The following CAMTA1 variants were observed in gnomAD, a reference collection of about 807,000 sequenced individuals.
The protein encoded by CAMTA1 is calmodulin-binding transcription activator 1.
Under a neutral mutation model 170.9 loss-of-function variants are expected in CAMTA1, and 27 were observed. That is an observed-to-expected ratio of 0.16 (90% CI 0.12 to 0.22). The LOEUF (loss-of-function observed/expected upper bound fraction) is 0.22. Among genes scored for constraint, CAMTA1 ranks in the 10% least tolerant of loss-of-function variants. The probability of loss-of-function intolerance (pLI) is 1.00; values close to 1 mark genes in which losing one functional copy is unlikely to be tolerated. For synonymous variants in CAMTA1, 833 were observed against 891.5 expected, an observed-to-expected ratio of 0.93 and a Z score of 1.17; for missense variants, 1,619 against 2,217.2, an observed-to-expected ratio of 0.73 and a Z score of 5.42.
chr1:6,979,429 G>C (rs1694045138), intron 3 of CAMTA1, among the ~76,000 whole-genome samples: 1 of 152,220 alleles, frequency 6.6e-6, no homozygotes, highest in African/African-American at 2.4e-5. Flanking sequence ...TAAACCGTGT[G>C]CATATGGGGA....
intron 6 of CAMTA1, among the ~76,000 whole-genome samples, chr1:7,486,195 G>A (rs2093615157): frequency 6.6e-6 from 1 of 151,848 alleles, no homozygotes; most frequent in Non-Finnish European, 1.5e-5. Flanking sequence ...CAAAGCAGTG[G>A]TATGCTGGAA....
chr1:7,275,165 A>AAG (rs1320645569), intron 5 of CAMTA1, among the ~76,000 whole-genome samples: 2 of 118,674 alleles, frequency 1.7e-5, no homozygotes, highest in Non-Finnish European at 3.4e-5. Context: ...AAAAAAAAAG[A>AAG]AGAAAGAAAA....
chr1:6,862,041 C>T (rs2148905326), intron 3 of CAMTA1, among the ~76,000 whole-genome samples: 1 of 151,638 alleles, frequency 6.6e-6, no homozygotes, highest in East Asian at 1.9e-4. Context: ...TGGCTCACTG[C>T]AACCCCTGCC....
In CAMTA1 at chr1:7,452,163, A is replaced by G. The variant is rs74719477; in HGVS notation, c.439-15667A>G. 6.5e-3 allele frequency among the ~76,000 whole-genome samples: 992 copies of G among 152,290 alleles called. 5 individuals carry two copies. The highest frequency in any genetic ancestry group is 0.023 in the African/African-American group (954 of 41,560). ...CACCTCGAATGGGGCCTGGAATATA[A>G]TAGGTGCTCGGCAAACTTGTCAGTT... On this transcript the variant is annotated intron_variant, in intron 5 of 22. Transcript: ENST00000303635.
intron 4 of CAMTA1, among the ~76,000 whole-genome samples, chr1:7,103,723 G>A (rs1643127669): frequency 7.1e-6 from 1 of 139,920 alleles, no homozygotes; most frequent in Admixed American, 7.1e-5. Flanking sequence ...TGACACACAT[G>A]TACACACCAC....
At chr1:6,851,585 A>T (rs1333178096) in intron 3 of CAMTA1, among the ~76,000 whole-genome samples, 1 of 152,226 alleles carries the variant, frequency 6.6e-6, no homozygotes, top group Non-Finnish European at 1.5e-5. Flanking sequence ...GAACATTTTA[A>T]TAGTAACCAG....
In CAMTA1 at chr1:6,950,431, C is replaced by T. The variant is rs192396473; in HGVS notation, c.234+125221C>T. On this transcript the variant is annotated intron_variant, in intron 3 of 22. Coordinates refer to ENST00000303635, the MANE Select transcript of CAMTA1 (RefSeq NM_015215.4). ...AATGGTGGAAAAGGAACCCAAGTGC[C>T]TCTGTGCCAGGCTTCCTCCCAAAAC... Among the ~76,000 whole-genome samples the T allele has an allele frequency of 2.0e-3, 303 of 152,286 alleles. 2 individuals are homozygous for T. Among genetic ancestry groups the T allele is most frequent in the African/African-American group, 7.0e-3 (290 of 41,542 alleles).
intron 3 of CAMTA1, among the ~76,000 whole-genome samples, chr1:6,919,273 C>A (rs1681478169): frequency 6.6e-6 from 1 of 152,122 alleles, no homozygotes; most frequent in South Asian, 2.1e-4. Flanking sequence ...GTCCTGCAGC[C>A]CTGCTGGGCC....
At chr1:7,458,268 G>A (rs74901929) in intron 5 of CAMTA1, among the ~76,000 whole-genome samples, 5,458 of 152,156 alleles carry the variant, frequency 0.036, 257 homozygotes, top group East Asian at 0.1. Context: ...AGGCTTTGCC[G>A]GCCAGGGGAC....
chr1:7,154,233 A>G (rs1646738388), intron 4 of CAMTA1, among the ~76,000 whole-genome samples: 1 of 152,144 alleles, frequency 6.6e-6, no homozygotes, highest in South Asian at 2.1e-4. Flanking sequence ...CAGAAGATGA[A>G]CAGATTGACC....
Position 7,663,732 on chromosome 1 carries a change from G to C in CAMTA1, c.1185G>C (p.Gln395His). The change falls in exon 9 of 23, where the codon CAG (glutamine) becomes CAC (histidine). Residue 395 changes from glutamine to histidine, a missense_variant. Around this residue, in one of 8 missense-constraint regions of CAMTA1, gnomAD observed 731 missense variants for 907.6 expected, o/e 0.81. Coordinates refer to ENST00000303635, the MANE Select transcript of CAMTA1 (RefSeq NM_015215.4). Reference protein sequence around the residue: ...AVASVMGSLSQSATVFMSEVT... With the variant: ...AVASVMGSLSHSATVFMSEVT... ...CCTCTGTGATGGGGAGCTTGTCCCA[G>C]AGCGCCACGGTGTTCATGTCAGAGG... The C allele has an allele frequency of 6.2e-7, 1 of 1,613,910 alleles. No individual in the cohort carries two copies. The highest frequency in any genetic ancestry group is 8.5e-7 in the Non-Finnish European group (1 of 1,179,916).
At chr1:7,364,481 GCT>G (rs996009401) in intron 5 of CAMTA1, among the ~76,000 whole-genome samples, 3 of 150,024 alleles carry the variant, frequency 2.0e-5, no homozygotes, top group Admixed American at 2.0e-4. Context: ...GGACTTTCTT[GCT>G]CTGTCACCCA....
At chr1:6,964,338 T>C (rs1691141466) in intron 3 of CAMTA1, among the ~76,000 whole-genome samples, 1 of 143,768 alleles carries the variant, frequency 7.0e-6, no homozygotes, top group Non-Finnish European at 1.6e-5. Context: ...TGCAGCGTCC[T>C]GGGTACCTGG....
chr1:6,917,796 G>C (rs984957635), intron 3 of CAMTA1, among the ~76,000 whole-genome samples: 1 of 144,992 alleles, frequency 6.9e-6, no homozygotes, highest in African/African-American at 2.5e-5. Flanking sequence ...GGGGGAGGGG[G>C]CCCCGAGAAA....
chr1:7,736,656 G>A lies in CAMTA1; in HGVS notation c.3263+116G>A, dbSNP rs1045215424. 39 of 1,022,866 alleles carry A rather than the reference G, an allele frequency of 3.8e-5. No homozygotes were observed. The highest frequency in any genetic ancestry group is 5.5e-5 in the Non-Finnish European group (37 of 675,662). The allele number at this position is 1,022,866 out of a possible 1,614,324, so 63.4% of individuals were successfully genotyped here. On this transcript the variant is annotated intron_variant, in intron 13 of 22. Coordinates refer to ENST00000303635, the MANE Select transcript of CAMTA1 (RefSeq NM_015215.4). This position sits in a 1 kb window ranked among gnomAD's most constrained non-coding sequence, Gnocchi z 4.5. ...CCATTCAGTCCACTTTATAGCCGGC[G>A]AGCAAAGGGCTTTGTCCTTGGACAG...
chr1:7,444,123 T>C (rs1321048154), intron 5 of CAMTA1, among the ~76,000 whole-genome samples: 1 of 152,214 alleles, frequency 6.6e-6, no homozygotes. Flanking sequence ...CCTGGCTGAA[T>C]TGGCCTCTTC....
At chr1:7,595,674 T>G (rs2095394342) in intron 6 of CAMTA1, among the ~76,000 whole-genome samples, 1 of 152,124 alleles carries the variant, frequency 6.6e-6, no homozygotes, top group Non-Finnish European at 1.5e-5. Context: ...ATTTTAGAGA[T>G]GGGGAAACTG....
intron 3 of CAMTA1, among the ~76,000 whole-genome samples, chr1:6,951,576 G>A (rs189813671): frequency 3.3e-5 from 5 of 152,302 alleles, no homozygotes; most frequent in African/African-American, 4.8e-5. Context: ...GAACAAAAAA[G>A]AGACCATTTC....
rs572854504 is a variant in CAMTA1, at chr1:7,542,307, T to C, written c.510+74406T>C. Among the ~76,000 whole-genome samples the C allele has an allele frequency of 7.5e-4, 115 of 152,324 alleles. 1 individual carries two copies. Among genetic ancestry groups the C allele is most frequent in the Middle Eastern group, 3.4e-3 (1 of 294 alleles). ...TTTTTGCTATACTCATGCCTATGGG[T>C]ATTTTTTCTTTTCACAAAGTTGATA... is the stretch of plus-strand genomic sequence containing the variant. On this transcript the variant is annotated intron_variant, in intron 6 of 22. Transcript: ENST00000303635.
Sources: gnomAD v4.1 joint callset for allele counts (sites outside exome capture counted in the v4.1 genomes callset) on GRCh38, gnomAD v4.1.1 for gene constraint, gnomAD v4.1.1 regional missense constraint, Gnocchi (gnomAD v3.1) non-coding constraint, MANE v1.5 for transcripts, NCBI Gene and HGNC (gene_info 2026-07-23, HGNC 2026-07-21) for gene names.